OLFML2B: variants seen among roughly 807,000 people sequenced by gnomAD.
The protein encoded by OLFML2B is olfactomedin like 2B, also known as olfactomedin-like protein 2B.
A neutral mutation model predicts 74.9 loss-of-function variants in OLFML2B; 57 were observed. That is an observed-to-expected ratio of 0.76 (90% CI 0.61 to 0.95). OLFML2B has a LOEUF of 0.95. Ranked by LOEUF, OLFML2B falls within the 40% of genes least tolerant of loss-of-function variation. The pLI is 0.00. For synonymous variants in OLFML2B, 388 were observed against 405.8 expected (o/e 0.96, Z 0.53); for missense variants, 986 against 970.6 (o/e 1.02, Z -0.21).
Position 162,023,474 on chromosome 1 carries a change from T to C in OLFML2B, c.-44A>G, listed in dbSNP as rs1348497914. On this transcript the variant is annotated 5_prime_UTR_variant, in exon 1 of 8. Transcript: ENST00000294794. ...GTCCTCAGCCCCTTCAGAGAATGGCTGGGGCGGGGGGTCTCGGCAAGGACT... is the reference window on the plus strand; with the variant it reads ...GTCCTCAGCCCCTTCAGAGAATGGCCGGGGCGGGGGGTCTCGGCAAGGACT... The C allele has an allele frequency of 1.4e-6, 2 of 1,403,500 alleles. No homozygotes were observed. The highest frequency in any genetic ancestry group is 1.9e-4 in the Middle Eastern group (1 of 5,198). The allele number at this position is 1,403,500 out of a possible 1,614,324, so 86.9% of individuals were successfully genotyped here. A position where few individuals can be genotyped will look rare whatever the true frequency, so the allele number is the denominator to read the frequency against.
chr1:162,008,356 G>C (rs1253647657), intron 3 of OLFML2B, among the ~76,000 whole-genome samples: 2 of 152,154 alleles, frequency 1.3e-5, no homozygotes, highest in African/African-American at 4.8e-5. Flanking sequence ...GGAAACTGAG[G>C]CCCAGAGCAA....
intron 5 of OLFML2B, 40 bp downstream of exon 5, chr1:162,000,073 C>A: frequency 6.7e-7 from 1 of 1,501,298 alleles, no homozygotes; most frequent in Non-Finnish European, 9.1e-7. Context: ...GACTTCCTCC[C>A]TACCCTGCCT....
intron 7 of OLFML2B, 84 bp from the exon 8 acceptor site, chr1:161,984,360 C>T (rs1379996152): frequency 8.1e-6 from 12 of 1,489,882 alleles, no homozygotes; most frequent in African/African-American, 7.0e-5. Flanking sequence ...TGATGATCAA[C>T]GAGGGGTCTG....
chr1:162,000,444 T>C (rs1690053345), intron 4 of OLFML2B, 106 bp from the exon 5 acceptor site: 1 of 792,392 alleles, frequency 1.3e-6, no homozygotes, highest in Non-Finnish European at 2.1e-6. Context: ...ACAGCAGCAC[T>C]TCCGAAGAGC....
chr1:162,010,605 A>G (rs1571305649), intron 3 of OLFML2B, among the ~76,000 whole-genome samples: 1 of 152,120 alleles, frequency 6.6e-6, no homozygotes, highest in East Asian at 1.9e-4. Context: ...CAGCTCTTAG[A>G]CACGTGTGCG....
At chr1:161,986,298 C>G (rs919397595) in intron 6 of OLFML2B, among the ~76,000 whole-genome samples, 2 of 152,250 alleles carry the variant, frequency 1.3e-5, no homozygotes, top group Non-Finnish European at 2.9e-5. Flanking sequence ...AGGTCACCCT[C>G]ATTTCCAAAC....
chr1:162,023,125 G>T, intron 1 of OLFML2B, 132 bp downstream of exon 1: 1 of 848,178 alleles, frequency 1.2e-6, no homozygotes, highest in Non-Finnish European at 1.7e-6. Context: ...TCCGATACAT[G>T]AAAAATCAAA....
intron 3 of OLFML2B, 116 bp from the exon 4 acceptor site, chr1:162,006,589 C>T: frequency 2.5e-6 from 2 of 809,346 alleles, no homozygotes; most frequent in Admixed American, 5.7e-5. Context: ...GAGAAATCAT[C>T]CAACAAGTGA....
At chr1:161,996,638 A>G (rs1020144692) in intron 6 of OLFML2B, among the ~76,000 whole-genome samples, 2 of 152,248 alleles carry the variant, frequency 1.3e-5, no homozygotes, top group Non-Finnish European at 2.9e-5. Context: ...ATCAGTGGTG[A>G]TTTAATGAAT....
chr1:162,001,109 ATATCTACTTATT>A (rs1261507680), intron 4 of OLFML2B, among the ~76,000 whole-genome samples: 6 of 151,970 alleles, frequency 3.9e-5, no homozygotes, highest in Admixed American at 3.9e-4. Flanking sequence ...CTTCCCCCAT[ATATCTACTTATT>A]TATCTACTTC....
chr1:162,000,249 C>T lies in OLFML2B; in HGVS notation c.813G>A (p.Glu271=). The change falls in exon 5 of 8, where the codon GAG becomes GAA. Residue 271 remains glutamate (E), a synonymous_variant. Coordinates refer to ENST00000294794, the MANE Select transcript of OLFML2B (RefSeq NM_015441.3). Reference sequence around the variant, plus strand: ...GCAGGGGCCGCTGTGACTTCACCACCTCAGGCAGAGCCAGGGGTCGCGTCT... The same window carrying T: ...GCAGGGGCCGCTGTGACTTCACCACTTCAGGCAGAGCCAGGGGTCGCGTCT... ...LLQTRPLALP[E]VVKSQRPLQR... The T allele has an allele frequency of 6.2e-7, 1 of 1,613,872 alleles. No homozygotes were observed. The highest frequency in any genetic ancestry group is 8.5e-7 in the Non-Finnish European group (1 of 1,180,026).
intron 6 of OLFML2B, among the ~76,000 whole-genome samples, chr1:161,989,370 G>A (rs1421869615): frequency 6.6e-6 from 1 of 152,210 alleles, no homozygotes; most frequent in Non-Finnish European, 1.5e-5. Flanking sequence ...GGCTGAGTGT[G>A]AGACAAAAGG....
chr1:161,984,973 G>A lies in OLFML2B; in HGVS notation c.1482C>T (p.Cys494=), dbSNP rs1485767979. Residue 494 remains cysteine (C), a synonymous_variant, in exon 7 of 8, where the codon TGC becomes TGT. Coordinates refer to ENST00000294794, the MANE Select transcript of OLFML2B (RefSeq NM_015441.3). The stretch of plus-strand genomic sequence containing the variant: ...CCGTGATTGTGGAGAGAGTGTCCTT[G>A]CACCTTCCTGGTGGAGAAGAGGTGG... ...EDDIRNVIGR[C]KDTLSTITGP... 1 of 1,606,834 alleles carries A rather than the reference G, an allele frequency of 6.2e-7. No individual in the cohort carries two copies. Among genetic ancestry groups the A allele is most frequent in the South Asian group, 1.1e-5 (1 of 90,532 alleles).
intron 3 of OLFML2B, among the ~76,000 whole-genome samples, chr1:162,011,778 C>CCT (rs1381991315): frequency 6.6e-6 from 1 of 152,162 alleles, no homozygotes; most frequent in African/African-American, 2.4e-5. Context: ...AAGACCCAGG[C>CCT]CTCTGGTGAT....
rs1183491164 is a variant in OLFML2B at position 162,000,185 on chromosome 1, G to T, written c.877C>A (p.Pro293Thr). Residue 293 changes from proline (P) to threonine (T), a missense_variant, in exon 5 of 8, where the codon CCC (proline) becomes ACC (threonine). Transcript: ENST00000294794. ...VHLRGRPASQ[P>T]TVIRGITYYK... ...TAGGTGATGCCCCGGATGACAGTGGGCTGGGAGGCCGGCCGGCCTCTCAGG... is the reference window on the plus strand; with the variant it reads ...TAGGTGATGCCCCGGATGACAGTGGTCTGGGAGGCCGGCCGGCCTCTCAGG... 3.1e-6 allele frequency: 5 copies of T among 1,613,762 alleles called. No homozygotes were observed. Among genetic ancestry groups the T allele is most frequent in the Non-Finnish European group, 4.2e-6 (5 of 1,179,838 alleles).
rs567808017 is a variant in OLFML2B, at chr1:162,004,864, C to T, written c.723+1433G>A. Among the ~76,000 whole-genome samples the T allele has an allele frequency of 8.9e-4, 135 of 152,346 alleles. 1 individual carries two copies. The highest frequency in any genetic ancestry group is 3.1e-3 in the African/African-American group (129 of 41,568). On this transcript the variant is annotated intron_variant, in intron 4 of 7. Coordinates refer to ENST00000294794, the MANE Select transcript of OLFML2B (RefSeq NM_015441.3). ...GAAGCCGAGGGGATCCCTCAATGGCCCAACTGGAACCCACTCCCTGGGCAC... is the reference window on the plus strand; with the variant it reads ...GAAGCCGAGGGGATCCCTCAATGGCTCAACTGGAACCCACTCCCTGGGCAC...
At chr1:161,998,384 GA>G (rs35973259) in intron 5 of OLFML2B, 35 bp from the exon 6 acceptor site, 1 of 1,526,992 alleles carries the variant, frequency 6.5e-7, no homozygotes, top group Non-Finnish European at 8.8e-7. Context: ...TGTGGCACGG[GA>G]AAGAAACAAC....
intron 6 of OLFML2B, among the ~76,000 whole-genome samples, chr1:161,995,311 A>C (rs574912107): frequency 3.1e-4 from 47 of 152,342 alleles, no homozygotes; most frequent in Non-Finnish European, 6.0e-4. Context: ...TTTCTTCTGC[A>C]GTCGACATAA....
chr1:161,995,451 C>A (rs1348145623), intron 6 of OLFML2B, among the ~76,000 whole-genome samples: 1 of 152,202 alleles, frequency 6.6e-6, no homozygotes, highest in African/African-American at 2.4e-5. Flanking sequence ...TTCCTACCAC[C>A]AGGTAAATGG....
Sources: gnomAD v4.1 joint callset for allele counts (sites outside exome capture counted in the v4.1 genomes callset) on GRCh38, gnomAD v4.1.1 for gene constraint, MANE v1.5 for transcripts, NCBI Gene and HGNC (gene_info 2026-07-23, HGNC 2026-07-21) for gene names.